The following SERPINF1 variants were observed in gnomAD, a reference collection of about 807,000 sequenced individuals.
SERPINF1 encodes the protein serpin family F member 1.
In SERPINF1, 29 loss-of-function variants were observed where a neutral mutation model predicts 37.3. The ratio of observed to expected loss-of-function variants is 0.78; its 90% CI spans 0.58 to 1.06. The LOEUF is 1.06. Among genes scored for constraint, SERPINF1 ranks in the 50% least tolerant of loss-of-function variants. The probability of loss-of-function intolerance (pLI) is 0.00; values close to 1 mark genes in which losing one functional copy is unlikely to be tolerated. For synonymous variants in SERPINF1, 281 were observed against 227.9 expected (o/e 1.23, Z -2.10); for missense variants, 553 against 532.2 (o/e 1.04, Z -0.38).
rs750614734 is a variant in SERPINF1, at chr17:1,772,116, T to G, written c.643+41T>G. 4 of 1,575,790 alleles carry G rather than the reference T, an allele frequency of 2.5e-6. No homozygotes were observed. The Admixed American group carries it at 6.8e-5, about 27-fold the overall frequency. On this transcript the variant is annotated intron_variant, in intron 5 of 7. Transcript: ENST00000254722. ...ATTCTTTTTCATTTATTTTACTGTA[T>G]TTTAACTAATTAATTAATTCGATGG...
At chr17:1,767,502 C>T (rs745795475) in intron 2 of SERPINF1, among the ~76,000 whole-genome samples, 6 of 152,174 alleles carry the variant, frequency 3.9e-5, no homozygotes, top group Non-Finnish European at 8.8e-5. Context: ...GTCATGTTCC[C>T]GGACATTTGT....
At chr17:1,767,742 C>T (rs968281534) in intron 2 of SERPINF1, among the ~76,000 whole-genome samples, 23 of 152,186 alleles carry the variant, frequency 1.5e-4, no homozygotes, top group African/African-American at 4.3e-4. Context: ...ATGAATTCTG[C>T]GTCTCCCTCT....
intron 1 of SERPINF1, among the ~76,000 whole-genome samples, chr17:1,764,690 C>G (rs973170553): frequency 1.3e-5 from 2 of 152,202 alleles, no homozygotes; most frequent in Admixed American, 6.5e-5. Context: ...CACACAACGT[C>G]CTCCCAAATT....
rs977677041 is a variant in SERPINF1, at chr17:1,777,406, T to C, written c.1217T>C (p.Leu406Pro). ...FVLRDTDTGA[L>P]LFIGKILDPR... is the part of the protein sequence containing the mutation. ...CTGAGGGACACAGACACAGGGGCCC[T>C]TCTCTTCATTGGCAAGATTCTGGAC... Residue 406 changes from leucine (L) to proline (P), a missense_variant, in exon 8 of 8, where the codon CTT becomes CCT. Leu to Pro is a moderately conservative substitution (Grantham distance 98, BLOSUM62 -3). Transcript: ENST00000254722. 6.2e-7 allele frequency: 1 copy of C among 1,613,996 alleles called. No individual in the cohort carries two copies.
intron 2 of SERPINF1, among the ~76,000 whole-genome samples, chr17:1,767,433 C>T (rs1455772987): frequency 6.6e-6 from 1 of 152,226 alleles, no homozygotes; most frequent in Admixed American, 6.5e-5. Context: ...TGAGCCACCG[C>T]ACCTGGCCAG....
chr17:1,763,341 GCTT>G (rs749863737), intron 1 of SERPINF1, among the ~76,000 whole-genome samples: 42 of 152,336 alleles, frequency 2.8e-4, no homozygotes, highest in African/African-American at 6.7e-4. Context: ...GATCACAAAA[GCTT>G]CTGTGTTTCT....
At chr17:1,770,730 G>A (rs927488947) in intron 3 of SERPINF1, 4 of 377,754 alleles carry the variant, frequency 1.1e-5, no homozygotes, top group Non-Finnish European at 2.0e-5. Flanking sequence ...AAAGTGCTGG[G>A]ATTACAGGCG....
rs1293432229 is a variant in SERPINF1 at position 1,776,554 on chromosome 17, G to GTC, written c.809_810insTC (p.Ser271GlnfsTer3). ...CAGATTGCCCAGCTGCCCTTGACCG[G>GTC]AAGCATGAGTATCATCTTCTTCCTG... On this transcript the variant is annotated frameshift_variant, in exon 7 of 8. Transcript: ENST00000254722. LOFTEE classifies it high-confidence loss of function. 1.2e-5 allele frequency: 19 copies of GTC among 1,613,922 alleles called. No individual in the cohort carries two copies. Among genetic ancestry groups the GTC allele is most frequent in the Non-Finnish European group, 1.6e-5 (19 of 1,180,042 alleles).
chr17:1,771,630 A>C, intron 4 of SERPINF1: 5 of 548,486 alleles, frequency 9.1e-6, no homozygotes, highest in Admixed American at 2.9e-5. Flanking sequence ...AGAAAGAGGA[A>C]GTGGGCTGCA....
intron 2 of SERPINF1, 95 bp downstream of exon 2, chr17:1,767,089 C>T (rs1433481681): frequency 6.3e-6 from 7 of 1,113,704 alleles, no homozygotes; most frequent in South Asian, 2.9e-5. Flanking sequence ...ACCCAGGTTC[C>T]AGGCCAGGCT....
At chr17:1,776,452 G>T in intron 6 of SERPINF1, 80 bp from the exon 7 acceptor site, 1 of 1,307,240 alleles carries the variant, frequency 7.6e-7, no homozygotes, top group South Asian at 1.2e-5. Flanking sequence ...TCACGGGAGA[G>T]GGAAGGCAGC....
At chr17:1,771,781 G>A (rs766488771) in intron 4 of SERPINF1, 91 bp from the exon 5 acceptor site, 13 of 1,294,298 alleles carry the variant, frequency 1.0e-5, no homozygotes, top group African/African-American at 5.8e-5. Context: ...CCTGCTGAGC[G>A]CTAAACCAGA....
chr17:1,777,509 C>T lies in SERPINF1; in HGVS notation c.*63C>T. On this transcript the variant is annotated 3_prime_UTR_variant, in exon 8 of 8. Transcript: ENST00000254722. ...CCGAGGGACAGCAGATTCCACAGGACACGAAGGCTGCCCCTGTAAGGTTTC... is the reference window on the plus strand; with the variant it reads ...CCGAGGGACAGCAGATTCCACAGGATACGAAGGCTGCCCCTGTAAGGTTTC... 6.2e-7 allele frequency: 1 copy of T among 1,603,854 alleles called. No homozygotes were observed. Among genetic ancestry groups the T allele is most frequent in the Non-Finnish European group, 8.5e-7 (1 of 1,171,942 alleles).
chr17:1,777,122 G>A, intron 7 of SERPINF1, 65 bp from the exon 8 acceptor site: 1 of 1,612,614 alleles, frequency 6.2e-7, no homozygotes, highest in Non-Finnish European at 8.5e-7. Context: ...GCTTGCAAAG[G>A]GATCCCTTGG....
intron 2 of SERPINF1, 75 bp from the exon 3 acceptor site, chr17:1,769,777 A>C (rs939254751): frequency 1.1e-5 from 17 of 1,527,340 alleles, no homozygotes; most frequent in Non-Finnish European, 1.5e-5. Flanking sequence ...CCCTACACAA[A>C]GCCGTGAGGA....
At chr17:1,768,196 C>T (rs28369047) in intron 2 of SERPINF1, among the ~76,000 whole-genome samples, 48,810 of 151,716 alleles carry the variant, frequency 0.32, 9,062 homozygotes, top group African/African-American at 0.52. Flanking sequence ...CTTTGGGAGG[C>T]GGAGGTGGGT....
At chr17:1,763,248 C>T (rs1020511246) in intron 1 of SERPINF1, among the ~76,000 whole-genome samples, 7 of 152,108 alleles carry the variant, frequency 4.6e-5, no homozygotes, top group African/African-American at 1.4e-4. Context: ...GGGGAGGTGG[C>T]GGTGGAGGCT....
At position 1,766,700 on chromosome 17, in the gene SERPINF1, G is replaced by A. The variant is rs1040291227; in HGVS notation, c.-8-203G>A. The A allele has an allele frequency of 2.6e-5, 15 of 578,564 alleles. No individual in the cohort carries two copies. The Admixed American group carries it at 4.1e-4, about 16-fold the overall frequency. 35.8% of individuals were successfully genotyped at this position (578,564 alleles called of 1,614,324 possible). A position where few individuals can be genotyped will look rare whatever the true frequency, so the allele number is the denominator to read the frequency against. ...CCCTGAGGCAGGGGGAGGGGCGGGA[G>A]AACCTTGCTGGGAGGGATGGGCCAT... On this transcript the variant is annotated intron_variant, in intron 1 of 7. Coordinates refer to ENST00000254722, the MANE Select transcript of SERPINF1 (RefSeq NM_002615.7).
chr17:1,777,193 A>G lies in SERPINF1; in HGVS notation c.1004A>G (p.Gln335Arg), dbSNP rs138875154. 8.4e-5 allele frequency: 136 copies of G among 1,614,058 alleles called. 1 individual carries two copies. In the African/African-American group the frequency reaches 1.5e-3, roughly 17 times the overall value. The change falls in exon 8 of 8, where the codon CAA becomes CGA. Residue 335 changes from glutamine to arginine, a missense_variant. Transcript: ENST00000254722. The stretch of plus-strand genomic sequence containing the variant: ...TCTCTCTCCATCTCTACAGAGCTGC[A>G]ATCCTTGTTTGATTCACCAGACTTT... The part of the protein sequence containing the change: ...VTKSLQEMKL[Q>R]SLFDSPDFSK...
Sources: allele counts gnomAD v4.1 joint callset (sites outside exome capture counted in the v4.1 genomes callset), GRCh38; gene constraint gnomAD v4.1.1; transcripts MANE v1.5; gene names NCBI Gene and HGNC (gene_info 2026-07-23, HGNC 2026-07-21).